KCNQ1: variants seen among roughly 807,000 people sequenced by gnomAD.
KCNQ1 encodes the protein potassium voltage-gated channel subfamily KQT member 1.
Under a neutral mutation model 72.4 loss-of-function variants are expected in KCNQ1, and 49 were observed. The ratio of observed to expected loss-of-function variants is 0.68; its 90% confidence interval spans 0.54 to 0.86. The LOEUF (loss-of-function observed/expected upper bound fraction) is 0.86, where lower values mean the gene tolerates loss of function less well. KCNQ1 is among the 40% of genes least tolerant of loss of function. KCNQ1 has a pLI of 0.00. For missense variants in KCNQ1, 790 were observed against 945.1 expected, an observed-to-expected ratio of 0.84 and a Z score of 2.15; for synonymous variants, 450 against 412.6, an observed-to-expected ratio of 1.09 and a Z score of -1.10.
At chr11:2,835,848 G>A (rs544304242) in intron 15 of KCNQ1, among the ~76,000 whole-genome samples, 3 of 152,332 alleles carry the variant, frequency 2.0e-5, no homozygotes, top group South Asian at 4.1e-4. Context: ...GTCCAGGAGC[G>A]ACGGGAAGCC....
chr11:2,455,299 C>T (rs574022380), intron 1 of KCNQ1, among the ~76,000 whole-genome samples: 51 of 151,766 alleles, frequency 3.4e-4, no homozygotes, highest in East Asian at 3.1e-3. Context: ...GGGGTTTCAC[C>T]GTGTTAGCCA....
chr11:2,673,834 C>T lies in KCNQ1; in HGVS notation c.1514+11753C>T. On this transcript the variant is annotated intron_variant, in intron 11 of 15. Coordinates refer to ENST00000155840, the MANE Select transcript of KCNQ1 (RefSeq NM_000218.3). This position sits in a 1 kb window ranked among gnomAD's most constrained non-coding sequence, Gnocchi z 4.5. Reference sequence around the variant, plus strand: ...AATCCCAGGCCCACAAGCACCACAGCCAGGAGAGTCAAGGTTGGATATGAA... The same window carrying T: ...AATCCCAGGCCCACAAGCACCACAGTCAGGAGAGTCAAGGTTGGATATGAA... The T allele has an allele frequency of 2.5e-6, 1 of 398,786 alleles. No individual in the cohort carries two copies. The highest frequency in any genetic ancestry group is 3.6e-5 in the East Asian group (1 of 28,078). 24.7% of individuals were successfully genotyped at this position (398,786 alleles called of 1,614,324 possible).
Position 2,663,883 on chromosome 11 carries a change from C to A in KCNQ1, c.1514+1802C>A, listed in dbSNP as rs1158694304. 4.3e-5 allele frequency: 17 copies of A among 398,588 alleles called. No homozygotes were observed. The East Asian group carries it at 6.1e-4, about 14-fold the overall frequency. 24.7% of individuals were successfully genotyped at this position (398,588 alleles called of 1,614,324 possible). ...AGGTTACCCACCTGCCCAAGGGTGA[C>A]CCCAAGCCAGTGTGGCTGTGTCATC... is the stretch of plus-strand genomic sequence containing the variant. On this transcript the variant is annotated intron_variant, in intron 11 of 15. Coordinates refer to ENST00000155840, the MANE Select transcript of KCNQ1 (RefSeq NM_000218.3). This position sits in a 1 kb window ranked among gnomAD's most constrained non-coding sequence, Gnocchi z 5.2.
At chr11:2,469,284 T>G (rs1341709394) in intron 1 of KCNQ1, among the ~76,000 whole-genome samples, 1 of 152,120 alleles carries the variant, frequency 6.6e-6, no homozygotes, top group Non-Finnish European at 1.5e-5. Flanking sequence ...TTTCTTTATT[T>G]TGAGAGAGAA....
rs2133799306 is a variant in KCNQ1, at chr11:2,617,544, G to A, written c.1393+28690G>A. 2 of 398,458 alleles carry A rather than the reference G, an allele frequency of 5.0e-6. No individual in the cohort carries two copies. The highest frequency in any genetic ancestry group is 8.9e-6 in the Non-Finnish European group (2 of 225,960). The allele number at this position is 398,458 out of a possible 1,614,324, so 24.7% of individuals were successfully genotyped here. A position where few individuals can be genotyped will look rare whatever the true frequency, so the allele number is the denominator to read the frequency against. On this transcript the variant is annotated intron_variant, in intron 10 of 15. Transcript: ENST00000155840. The surrounding 1 kb of genome is among the most constrained non-coding windows in gnomAD (Gnocchi z 4.6). ...AATATAGGAGCGCAGATATCTTTAT[G>A]AGGTGGAGATTTCATTTTCTTTGGG...
chr11:2,554,300 G>A (rs1848036974), intron 2 of KCNQ1, among the ~76,000 whole-genome samples: 1 of 152,228 alleles, frequency 6.6e-6, no homozygotes, highest in Non-Finnish European at 1.5e-5. Context: ...GGAGAAGTTT[G>A]CCATTGGAAA....
rs759593218 is a variant in KCNQ1, at chr11:2,528,003, G to A, written c.462G>A (p.Gly154=). 3 of 1,613,590 alleles carry A rather than the reference G, an allele frequency of 1.9e-6. No homozygotes were observed. Among genetic ancestry groups the A allele is most frequent in the Admixed American group, 1.7e-5 (1 of 60,032 alleles). The part of the protein sequence containing the change: ...TIEQYAALAT[G]TLFWMEIVLV... ...AGCAGTATGCCGCCCTGGCCACGGG[G>A]ACTCTCTTCTGGATGGTACGTAGCA... Residue 154 remains glycine, a synonymous_variant, in exon 2 of 16, where the codon GGG becomes GGA. Coordinates refer to ENST00000155840, the MANE Select transcript of KCNQ1 (RefSeq NM_000218.3).
intron 6 of KCNQ1, among the ~76,000 whole-genome samples, chr11:2,573,692 G>A (rs901715462): frequency 2.6e-5 from 4 of 152,174 alleles, no homozygotes; most frequent in Non-Finnish European, 5.9e-5. Context: ...TGGGGAAGCC[G>A]GTGTGCAGCA....
intron 11 of KCNQ1, among the ~76,000 whole-genome samples, chr11:2,706,881 C>T (rs1850920169): frequency 6.6e-6 from 1 of 152,224 alleles, no homozygotes; most frequent in African/African-American, 2.4e-5. Flanking sequence ...CCTGCAGTCT[C>T]TAAGGCAGCA....
At chr11:2,469,553 G>T (rs2133594208) in intron 1 of KCNQ1, among the ~76,000 whole-genome samples, 1 of 152,104 alleles carries the variant, frequency 6.6e-6, no homozygotes, top group Middle Eastern at 3.4e-3. Flanking sequence ...TTACAGGCAT[G>T]AGCTACGGCT....
intron 1 of KCNQ1, 58 bp from the exon 2 acceptor site, chr11:2,527,870 G>A: frequency 1.3e-6 from 2 of 1,501,122 alleles, no homozygotes. Flanking sequence ...CACTCCCCAG[G>A]TGCATCTGTG....
chr11:2,690,601 G>A lies in KCNQ1; in HGVS notation c.1514+28520G>A. 2.5e-6 allele frequency: 1 copy of A among 398,664 alleles called. No homozygotes were observed. The highest frequency in any genetic ancestry group is 3.6e-5 in the East Asian group (1 of 28,076). The allele number at this position is 398,664 out of a possible 1,614,324, so 24.7% of individuals were successfully genotyped here. ...AACCCACCTCCTGGCAGGGAGTGGG[G>A]CACACATATGTGCATGTTCATATAT... On this transcript the variant is annotated intron_variant, in intron 11 of 15. Transcript: ENST00000155840. The surrounding 1 kb of genome is among the most constrained non-coding windows in gnomAD (Gnocchi z 5.1).
chr11:2,795,086 C>T (rs1323623046), intron 15 of KCNQ1, among the ~76,000 whole-genome samples: 1 of 152,176 alleles, frequency 6.6e-6, no homozygotes, highest in African/African-American at 2.4e-5. Flanking sequence ...AACTCGCCAC[C>T]TCCTCCCACG....
intron 2 of KCNQ1, among the ~76,000 whole-genome samples, chr11:2,540,239 G>A (rs562477070): frequency 6.6e-6 from 1 of 152,318 alleles, no homozygotes; most frequent in African/African-American, 2.4e-5. Flanking sequence ...CCCCCTAGAG[G>A]GCATTACATT....
At position 2,683,106 on chromosome 11, in the gene KCNQ1, G is replaced by A. The variant is rs1408290495; in HGVS notation, c.1514+21025G>A. The A allele has an allele frequency of 3.4e-5, 13 of 387,718 alleles. No individual in the cohort carries two copies. In the East Asian group the frequency reaches 4.8e-4, roughly 14 times the overall value. The allele number at this position is 387,718 out of a possible 1,614,324, so 24.0% of individuals were successfully genotyped here. A position where few individuals can be genotyped will look rare whatever the true frequency, so the allele number is the denominator to read the frequency against. ...GAGCCTTCAGATTTTCTTGTTCCCA[G>A]GATATATCGCACCAACTCAGGAGGG... is the stretch of plus-strand genomic sequence containing the variant. On this transcript the variant is annotated intron_variant, in intron 11 of 15. Coordinates refer to ENST00000155840, the MANE Select transcript of KCNQ1 (RefSeq NM_000218.3). This position sits in a 1 kb window ranked among gnomAD's most constrained non-coding sequence, Gnocchi z 4.7.
intron 11 of KCNQ1, chr11:2,686,919 A>G: frequency 2.5e-6 from 1 of 398,714 alleles, no homozygotes; most frequent in Non-Finnish European, 4.4e-6. Context: ...ATCCAGGTCC[A>G]TGCAGGTCTC....
At position 2,670,998 on chromosome 11, in the gene KCNQ1, T is replaced by G. The variant is rs781257264; in HGVS notation, c.1514+8917T>G. On this transcript the variant is annotated intron_variant, in intron 11 of 15. Coordinates refer to ENST00000155840, the MANE Select transcript of KCNQ1 (RefSeq NM_000218.3). The surrounding 1 kb of genome is among the most constrained non-coding windows in gnomAD (Gnocchi z 4.9). The stretch of plus-strand genomic sequence containing the variant: ...TGGCTAGGCATTCATGCTTTAGATA[T>G]GTGGGCCCTGTTAGGGACAACGTAG... 2.3e-5 allele frequency: 9 copies of G among 398,466 alleles called. No individual in the cohort carries two copies. The highest frequency in any genetic ancestry group is 4.0e-5 in the Non-Finnish European group (9 of 226,066). 24.7% of individuals were successfully genotyped at this position (398,466 alleles called of 1,614,324 possible).
rs996184690 is a variant in KCNQ1, at chr11:2,746,602, G to A, written c.1515-22242G>A. 2.0e-5 allele frequency among the ~76,000 whole-genome samples: 3 copies of A among 152,278 alleles called. No homozygotes were observed. The highest frequency in any genetic ancestry group is 2.1e-4 in the South Asian group (1 of 4,828). The stretch of plus-strand genomic sequence containing the variant: ...AGGATCCGTCTGCTGCTGTCCTCAC[G>A]ATTCGACTGGGCTGTGGGTGTGAGG... On this transcript the variant is annotated intron_variant, in intron 11 of 15. Transcript: ENST00000155840. This position sits in a 1 kb window ranked among gnomAD's most constrained non-coding sequence, Gnocchi z 5.9.
At position 2,459,967 on chromosome 11, in the gene KCNQ1, A is replaced by G. The variant is rs73419505; in HGVS notation, c.386+14483A>G. 2.7e-3 allele frequency among the ~76,000 whole-genome samples: 407 copies of G among 152,262 alleles called. 2 individuals carry two copies. Among genetic ancestry groups the G allele is most frequent in the African/African-American group, 9.5e-3 (394 of 41,528 alleles). The stretch of plus-strand genomic sequence containing the variant: ...GTCTTTCAGACAAACTGAATTTAAT[A>G]GTAGCTGACGTGAACCCCTGTTTCT... On this transcript the variant is annotated intron_variant, in intron 1 of 15. Transcript: ENST00000155840.
Sources: gnomAD v4.1 joint callset for allele counts (sites outside exome capture counted in the v4.1 genomes callset) on GRCh38, gnomAD v4.1.1 for gene constraint, Gnocchi (gnomAD v3.1) non-coding constraint, MANE v1.5 for transcripts, NCBI Gene and HGNC (gene_info 2026-07-23, HGNC 2026-07-21) for gene names.